Variants in DENND2A observed in about 807,000 individuals in gnomAD.
The protein encoded by DENND2A is DENN domain-containing protein 2A.
DENND2A carries 53 observed loss-of-function variants against 105.3 expected under a neutral mutation model. The ratio of observed to expected loss-of-function variants is 0.50; its 90% CI spans 0.40 to 0.63. The LOEUF is 0.63. Among genes scored for constraint, DENND2A ranks in the 30% least tolerant of loss-of-function variants. The pLI, the probability that DENND2A is intolerant of heterozygous loss-of-function variation, is 0.00. For missense variants in DENND2A, 1,138 were observed against 1,279.6 expected (o/e 0.89, Z 1.69); for synonymous variants, 522 against 508.4 (o/e 1.03, Z -0.36).
At position 140,553,809 on chromosome 7, in the gene DENND2A, G is replaced by A. The variant is rs185495822; in HGVS notation, c.2037+1827C>T. ...GCACGTTTCAGAGAGCACGGCGTTG[G>A]GGGTAAGGTTATAGATTAACAGCAT... On this transcript the variant is annotated intron_variant, in intron 12 of 19. Coordinates refer to ENST00000496613, the MANE Select transcript of DENND2A (RefSeq NM_015689.5). Among the ~76,000 whole-genome samples the A allele has an allele frequency of 6.6e-3, 1,009 of 152,328 alleles. 13 individuals carry two copies. The highest frequency in any genetic ancestry group is 0.023 in the African/African-American group (973 of 41,570).
intron 1 of DENND2A, among the ~76,000 whole-genome samples, chr7:140,624,550 G>C (rs918436567): frequency 4.6e-5 from 7 of 152,174 alleles, no homozygotes; most frequent in African/African-American, 1.4e-4. Context: ...GGTAGAAGCA[G>C]AACCCAGGGC....
intron 15 of DENND2A, among the ~76,000 whole-genome samples, 173 bp from the exon 16 acceptor site, chr7:140,525,965 G>T (rs1585550637): frequency 6.6e-6 from 1 of 152,294 alleles, no homozygotes; most frequent in African/African-American, 2.4e-5. Context: ...GAAGAGCAGG[G>T]CTGGGGAGGG....
At chr7:140,631,269 G>C (rs1382148650) in intron 1 of DENND2A, among the ~76,000 whole-genome samples, 1 of 152,148 alleles carries the variant, frequency 6.6e-6, no homozygotes, top group Non-Finnish European at 1.5e-5. Context: ...TCTGCCTCGT[G>C]GGACTCTTGC....
At position 140,602,208 on chromosome 7, in the gene DENND2A, G is replaced by T. The variant is rs768591314; in HGVS notation, c.190C>A (p.Pro64Thr). 1.9e-6 allele frequency: 3 copies of T among 1,613,978 alleles called. No individual in the cohort carries two copies. In the South Asian group the frequency reaches 3.3e-5, roughly 18 times the overall value. ...EGKKEVPTPAPSRRADGQEDY... is the reference protein window; with the variant it reads ...EGKKEVPTPATSRRADGQEDY... ...TCCTGTCCGTCTGCTCTCCTGCTGGGTGCAGGAGTGGGCACCTCTTTCTTC... is the reference window on the plus strand; with the variant it reads ...TCCTGTCCGTCTGCTCTCCTGCTGGTTGCAGGAGTGGGCACCTCTTTCTTC... Residue 64 changes from proline to threonine, a missense_variant, in exon 3 of 20, where the codon CCC becomes ACC. Transcript: ENST00000496613.
chr7:140,583,676 C>T lies in DENND2A; in HGVS notation c.1245+1913G>A, dbSNP rs568051033. Reference sequence around the variant, plus strand: ...CGGGCGCGGTGGCTCACGCCTGCAACCCCAGCACTTTGGGAGGCCAAGGCG... The same window carrying T: ...CGGGCGCGGTGGCTCACGCCTGCAATCCCAGCACTTTGGGAGGCCAAGGCG... On this transcript the variant is annotated intron_variant, in intron 5 of 19. Transcript: ENST00000496613. 1.3e-4 allele frequency among the ~76,000 whole-genome samples: 19 copies of T among 149,882 alleles called. 1 individual carries two copies. The East Asian group carries it at 2.3e-3, about 19-fold the overall frequency.
intron 11 of DENND2A, among the ~76,000 whole-genome samples, chr7:140,555,939 C>A (rs1487474846): frequency 1.3e-5 from 2 of 152,084 alleles, no homozygotes; most frequent in African/African-American, 2.4e-5. Context: ...AGTGAGAAAT[C>A]ATTTCTGAAG....
At chr7:140,522,390 T>C (rs1479839381) in intron 17 of DENND2A, among the ~76,000 whole-genome samples, 1 of 152,142 alleles carries the variant, frequency 6.6e-6, no homozygotes, top group African/African-American at 2.4e-5. Context: ...CCTGACTCAC[T>C]GCAACCTCTG....
intron 6 of DENND2A, among the ~76,000 whole-genome samples, chr7:140,570,340 C>T (rs548023586): frequency 2.0e-5 from 3 of 152,284 alleles, no homozygotes; most frequent in Non-Finnish European, 4.4e-5. Flanking sequence ...GCTCATGATG[C>T]GATGGCTGCT....
intron 1 of DENND2A, among the ~76,000 whole-genome samples, chr7:140,616,092 C>T (rs948152108): frequency 6.6e-6 from 1 of 152,070 alleles, no homozygotes; most frequent in African/African-American, 2.4e-5. Context: ...CCTGGCCGGG[C>T]GTGGTGGCTC....
At chr7:140,540,468 T>C (rs4576348) in intron 14 of DENND2A, among the ~76,000 whole-genome samples, 5,003 of 152,276 alleles carry the variant, frequency 0.033, 254 homozygotes, top group African/African-American at 0.11. Flanking sequence ...CTGGTGACTG[T>C]CTCCTCTGTT....
intron 3 of DENND2A, among the ~76,000 whole-genome samples, chr7:140,600,906 G>A (rs965476490): frequency 7.9e-5 from 12 of 152,096 alleles, no homozygotes; most frequent in African/African-American, 2.2e-4. Flanking sequence ...TTATTTTAAC[G>A]TTATAAAATA....
intron 14 of DENND2A, among the ~76,000 whole-genome samples, chr7:140,532,495 T>C (rs1211504291): frequency 6.6e-6 from 1 of 152,204 alleles, no homozygotes; most frequent in Non-Finnish European, 1.5e-5. Context: ...CTTCTACGCG[T>C]CAGACTTGTG....
In DENND2A at chr7:140,537,593, C is replaced by T. The variant is rs901556436; in HGVS notation, c.2327+7025G>A. Among the ~76,000 whole-genome samples the T allele has an allele frequency of 3.3e-5, 5 of 152,170 alleles. No individual in the cohort carries two copies. In the East Asian group the frequency reaches 7.7e-4, roughly 23 times the overall value. ...AGTAGCTGGAACTACAGGCATGTGC[C>T]AGCATGCCCAGCTCATAAATTCCTT... is the stretch of plus-strand genomic sequence containing the variant. On this transcript the variant is annotated intron_variant, in intron 14 of 19. Coordinates refer to ENST00000496613, the MANE Select transcript of DENND2A (RefSeq NM_015689.5).
At chr7:140,547,050 C>T (rs1796937139) in intron 12 of DENND2A, 111 bp from the exon 13 acceptor site, 6 of 1,400,166 alleles carry the variant, frequency 4.3e-6, no homozygotes, top group Non-Finnish European at 4.8e-6. Flanking sequence ...ATGGGGAAGC[C>T]CTGCTTTCCC....
rs745399243 is a variant in DENND2A, at chr7:140,523,418, C to T, written c.2554G>A (p.Asp852Asn). 8.1e-6 allele frequency: 13 copies of T among 1,613,960 alleles called. No individual in the cohort carries two copies. The highest frequency in any genetic ancestry group is 4.0e-5 in the African/African-American group (3 of 74,924). ...VNSRFLRQMD[D>N]EDSILPRKLQ... ...TTCCGGGGCAGGATGGAGTCCTCAT[C>T]GTCCATCTGGAAAGCAGAGGTAGCA... is the stretch of plus-strand genomic sequence containing the variant. The change falls in exon 17 of 20, where the codon GAT becomes AAT. Residue 852 changes from aspartate to asparagine, a missense_variant. Physicochemically the swap from Asp to Asn is conservative, Grantham distance 23. Coordinates refer to ENST00000496613, the MANE Select transcript of DENND2A (RefSeq NM_015689.5). This position sits in a 1 kb window ranked among gnomAD's most constrained non-coding sequence, Gnocchi z 4.5.
chr7:140,567,086 C>G lies in DENND2A; in HGVS notation c.1779G>C (p.Lys593Asn). Residue 593 changes from lysine to asparagine, a missense_variant and splice_region_variant, in exon 9 of 20, where the codon AAG (lysine) becomes AAC (asparagine). Around this residue, in one of 2 missense-constraint regions of DENND2A, gnomAD observed 627 missense variants for 779.8 expected, o/e 0.80. Transcript: ENST00000496613. ...VPELTQQFPL[K>N]LERSFKFMRE... Reference sequence around the variant, plus strand: ...CACAGGGACCTGGCCACCCTGTTACCTTCAGAGGGAACTGTTGGGTGAGTT... The same window carrying G: ...CACAGGGACCTGGCCACCCTGTTACGTTCAGAGGGAACTGTTGGGTGAGTT... 6.3e-7 allele frequency: 1 copy of G among 1,582,030 alleles called. No homozygotes were observed. Among genetic ancestry groups the G allele is most frequent in the Non-Finnish European group, 8.6e-7 (1 of 1,162,930 alleles).
chr7:140,549,783 T>C (rs1198055412), intron 12 of DENND2A, among the ~76,000 whole-genome samples: 1 of 152,166 alleles, frequency 6.6e-6, no homozygotes, highest in East Asian at 1.9e-4. Flanking sequence ...TGAATAGATA[T>C]TTATTTGGAC....
At chr7:140,519,587 A>AGCTCAGAGGCACACAGGCTGGGC (rs770752162) in intron 19 of DENND2A, 45 bp downstream of exon 19, 4 of 1,558,206 alleles carry the variant, frequency 2.6e-6, no homozygotes, top group Admixed American at 1.7e-5. Context: ...CGAGACAGAC[A>AGCTCAGAGGCACACAGGCTGGGC]GCTCAGAGGC....
intron 14 of DENND2A, among the ~76,000 whole-genome samples, chr7:140,530,737 CT>C (rs199738093): frequency 3.4e-4 from 49 of 146,090 alleles, no homozygotes; most frequent in African/African-American, 2.5e-4. Context: ...CTGTGTCTTT[CT>C]TTTTTTTTTT....
Sources: allele counts gnomAD v4.1 joint callset (sites outside exome capture counted in the v4.1 genomes callset), GRCh38; gene constraint gnomAD v4.1.1; regional missense constraint gnomAD v4.1.1; non-coding constraint Gnocchi (gnomAD v3.1); transcripts MANE v1.5; gene names NCBI Gene and HGNC (gene_info 2026-07-23, HGNC 2026-07-21).